Variants in MIS18BP1 observed in about 807,000 individuals in gnomAD.
MIS18BP1 encodes mis18-binding protein 1.
MIS18BP1 carries 72 observed loss-of-function variants against 116.1 expected under a neutral mutation model. The ratio of observed to expected loss-of-function variants is 0.62; its 90% CI spans 0.51 to 0.75. MIS18BP1 has a LOEUF of 0.75. MIS18BP1 is among the 30% of genes least tolerant of loss of function. The pLI is 0.00. For missense variants in MIS18BP1, 1,363 were observed against 1,303.2 expected (o/e 1.05, Z -0.71); for synonymous variants, 386 against 427.0 (o/e 0.90, Z 1.18).
intron 5 of MIS18BP1, among the ~76,000 whole-genome samples, chr14:45,236,556 C>CTAA (rs990427016): frequency 6.6e-6 from 1 of 152,006 alleles, no homozygotes; most frequent in African/African-American, 2.4e-5. Flanking sequence ...CATCAGATAA[C>CTAA]TAATAATAAT....
chr14:45,203,802 C>T lies in MIS18BP1; in HGVS notation c.*307G>A, dbSNP rs1318832962. The T allele has an allele frequency of 6.4e-6, 1 of 156,662 alleles. No individual in the cohort carries two copies. Among genetic ancestry groups the T allele is most frequent in the African/African-American group, 2.5e-5 (1 of 40,302 alleles). 9.7% of individuals were successfully genotyped at this position (156,662 alleles called of 1,614,324 possible). On this transcript the variant is annotated 3_prime_UTR_variant, in exon 17 of 17. Transcript: ENST00000310806. The stretch of plus-strand genomic sequence containing the variant: ...AAATTTTCTTGAAATAAAAAAAAAT[C>T]TGTTTGGGAAATGGTTTTCTTAAAG...
intron 1 of MIS18BP1, 22 bp from the exon 2 acceptor site, chr14:45,247,399 G>A: frequency 1.2e-6 from 1 of 818,194 alleles, no homozygotes; most frequent in East Asian, 2.7e-5. Flanking sequence ...CGTAAAATCA[G>A]CCTTTATCAT....
rs139455752 is a variant in MIS18BP1 at position 45,206,952 on chromosome 14, TC to T, written c.3153-783del. Among the ~76,000 whole-genome samples the T allele has an allele frequency of 6.1e-3, 923 of 152,350 alleles. 10 individuals are homozygous for T. Among genetic ancestry groups the T allele is most frequent in the African/African-American group, 0.021 (877 of 41,594 alleles). On this transcript the variant is annotated intron_variant, in intron 14 of 16. Coordinates refer to ENST00000310806, the MANE Select transcript of MIS18BP1 (RefSeq NM_018353.5). ...TCAATTTTTCCAACTGTGCTGGGTT[TC>T]TAATCCAGCTCATCAAGCCTTTTAT...
chr14:45,244,417 T>C (rs926901461), intron 2 of MIS18BP1, among the ~76,000 whole-genome samples: 1 of 152,186 alleles, frequency 6.6e-6, no homozygotes, highest in African/African-American at 2.4e-5. Context: ...AAATAAAATA[T>C]ACACTTCACA....
At chr14:45,245,864 A>G (rs969250266) in intron 2 of MIS18BP1, among the ~76,000 whole-genome samples, 2 of 152,154 alleles carry the variant, frequency 1.3e-5, no homozygotes, top group African/African-American at 4.8e-5. Context: ...GTTTTTTCCA[A>G]CACCCTAATA....
intron 9 of MIS18BP1, 114 bp downstream of exon 9, chr14:45,227,549 G>GAA (rs200663824): frequency 0.026 from 16,513 of 637,802 alleles, no homozygotes; most frequent in South Asian, 0.034. Context: ...CATCTCAAAA[G>GAA]AAAAAAAAAA....
chr14:45,213,156 G>A (rs1209365455), intron 13 of MIS18BP1, among the ~76,000 whole-genome samples: 1 of 152,016 alleles, frequency 6.6e-6, no homozygotes, highest in African/African-American at 2.4e-5. Flanking sequence ...CTCCTACCTC[G>A]GCCTCCCAAA....
chr14:45,238,642 C>T (rs920193209), intron 4 of MIS18BP1, among the ~76,000 whole-genome samples: 1 of 151,970 alleles, frequency 6.6e-6, no homozygotes, highest in Admixed American at 6.6e-5. Flanking sequence ...CCAGCCTGGG[C>T]AACATAGTAA....
At chr14:45,221,580 ATTGAT>A (rs1457192147) in intron 11 of MIS18BP1, among the ~76,000 whole-genome samples, 6 of 152,264 alleles carry the variant, frequency 3.9e-5, no homozygotes, top group Non-Finnish European at 5.9e-5. Context: ...TCTTTATTTT[ATTGAT>A]TTGTAGTTTA....
intron 8 of MIS18BP1, among the ~76,000 whole-genome samples, chr14:45,228,947 T>C (rs1891201571): frequency 2.0e-5 from 3 of 152,188 alleles, no homozygotes; most frequent in African/African-American, 2.4e-5. Context: ...TTTTGTTTTT[T>C]TCATGCAAAG....
intron 4 of MIS18BP1, 143 bp from the exon 5 acceptor site, chr14:45,237,864 T>C: frequency 8.3e-7 from 1 of 1,209,458 alleles, no homozygotes; most frequent in Non-Finnish European, 1.1e-6. Context: ...CACATTCTAT[T>C]CTAAATAGCA....
At chr14:45,230,224 T>C (rs62000282) in intron 8 of MIS18BP1, among the ~76,000 whole-genome samples, 1 of 152,198 alleles carries the variant, frequency 6.6e-6, no homozygotes, top group Non-Finnish European at 1.5e-5. Context: ...CTATATTGTT[T>C]AGAAAGAGCT....
chr14:45,237,604 AT>A (rs1194510918), intron 5 of MIS18BP1, 43 bp downstream of exon 5: 1 of 1,574,104 alleles, frequency 6.4e-7, no homozygotes, highest in Non-Finnish European at 8.6e-7. Context: ...GTGCTTACAC[AT>A]AACTAAAGTT....
In MIS18BP1 at chr14:45,237,758, T is replaced by C; in HGVS notation, c.1144-37A>G. 4 of 1,557,192 alleles carry C rather than the reference T, an allele frequency of 2.6e-6. No individual in the cohort carries two copies. The South Asian group carries it at 3.7e-5, about 14-fold the overall frequency. On this transcript the variant is annotated intron_variant, in intron 4 of 16. Coordinates refer to ENST00000310806, the MANE Select transcript of MIS18BP1 (RefSeq NM_018353.5). Reference sequence around the variant, plus strand: ...TAAAACAAAGAACATATTTCCTGTATTACTTGCAGCACAAGCATTACAAAA... The same window carrying C: ...TAAAACAAAGAACATATTTCCTGTACTACTTGCAGCACAAGCATTACAAAA...
intron 3 of MIS18BP1, 64 bp downstream of exon 3, chr14:45,242,697 A>C: frequency 6.7e-7 from 1 of 1,484,426 alleles, no homozygotes; most frequent in Non-Finnish European, 9.2e-7. Flanking sequence ...AAGGAAAGTA[A>C]TTACCTAGAA....
In MIS18BP1 at chr14:45,226,828, A is replaced by T; in HGVS notation, c.1755T>A (p.Ile585=). Residue 585 remains isoleucine (I), a synonymous_variant, in exon 10 of 17, where the codon ATT becomes ATA. Transcript: ENST00000310806. ...GGDDLSNQEL[I]GKKEYKMSSK... is the part of the protein sequence containing the mutation. ...AAGACATTTTATATTCTTTTTTTCC[A>T]ATTAATTCCTTCAAAACAAAAAGAT... The T allele has an allele frequency of 2.9e-6, 4 of 1,381,642 alleles. No individual in the cohort carries two copies. Among genetic ancestry groups the T allele is most frequent in the Non-Finnish European group, 3.8e-6 (4 of 1,044,596 alleles). The allele number at this position is 1,381,642 out of a possible 1,614,324, so 85.6% of individuals were successfully genotyped here. A position where few individuals can be genotyped will look rare whatever the true frequency, so the allele number is the denominator to read the frequency against.
intron 13 of MIS18BP1, among the ~76,000 whole-genome samples, chr14:45,215,797 T>C (rs948435909): frequency 2.7e-5 from 4 of 148,738 alleles, no homozygotes; most frequent in African/African-American, 1.0e-4. Flanking sequence ...CTCTGCCTCC[T>C]GGGTTCATGC....
At chr14:45,236,824 CAG>C (rs575373594) in intron 5 of MIS18BP1, among the ~76,000 whole-genome samples, 99 of 152,140 alleles carry the variant, frequency 6.5e-4, no homozygotes, top group African/African-American at 2.3e-3. Flanking sequence ...CTGAGACTGA[CAG>C]GGGATAAATA....
At chr14:45,211,966 C>T (rs1371322279) in intron 13 of MIS18BP1, among the ~76,000 whole-genome samples, 1 of 152,226 alleles carries the variant, frequency 6.6e-6, no homozygotes, top group African/African-American at 2.4e-5. Flanking sequence ...GATGTGCACC[C>T]AGCCTCCCTC....
Sources: allele counts gnomAD v4.1 joint callset (sites outside exome capture counted in the v4.1 genomes callset), GRCh38; gene constraint gnomAD v4.1.1; transcripts MANE v1.5; gene names NCBI Gene and HGNC (gene_info 2026-07-23, HGNC 2026-07-21).